The following C2orf76 variants were observed in gnomAD, a reference collection of about 807,000 sequenced individuals.
C2orf76 encodes the protein UPF0538 protein C2orf76.
C2orf76 carries 23 observed loss-of-function variants against 16.9 expected under a neutral mutation model. The ratio of observed to expected loss-of-function variants is 1.36; its 90% CI spans 0.98 to 1.93. The LOEUF (loss-of-function observed/expected upper bound fraction) is 1.93. Ranked by LOEUF, C2orf76 falls within the 30% of genes most tolerant of loss-of-function variation. The pLI, the probability that C2orf76 is intolerant of heterozygous loss-of-function variation, is 0.00. For missense variants in C2orf76, 152 were observed against 152.6 expected (o/e 1.00, Z 0.02); for synonymous variants, 48 against 52.3 (o/e 0.92, Z 0.35).
the C2orf76 span, among the ~76,000 whole-genome samples, chr2:119,286,076 A>C: frequency 6.6e-6 from 1 of 152,028 alleles, no homozygotes; most frequent in African/African-American, 2.4e-5. Context: ...AAATACAAAA[A>C]TTAGCTGGGC....
the C2orf76 span, among the ~76,000 whole-genome samples, chr2:119,292,945 G>C: frequency 6.6e-6 from 1 of 150,698 alleles, no homozygotes. Flanking sequence ...TGAGGCAGGA[G>C]AATCGCTTGA....
rs140400665 is a variant in C2orf76, at chr2:119,302,914, C to T, written c.305-366G>A. Among the ~76,000 whole-genome samples the T allele has an allele frequency of 7.8e-3, 1,190 of 151,862 alleles. 14 individuals are homozygous for T. The highest frequency in any genetic ancestry group is 0.027 in the African/African-American group (1,138 of 41,466). ...AACCTTGATTTTTTTCTCAAATATG[C>T]TACTCAGGTACTGAAGGAAGGGGAG... On this transcript the variant is annotated intron_variant, in intron 5 of 5. Coordinates refer to ENST00000334816, the MANE Select transcript of C2orf76 (RefSeq NM_001322331.2).
chr2:119,339,742 G>C (rs1208113000), intron 2 of C2orf76, 85 bp downstream of exon 2: 1 of 1,396,880 alleles, frequency 7.2e-7, no homozygotes, highest in Admixed American at 1.9e-5. Flanking sequence ...AAGTACTTTA[G>C]GATTTGTTAA....
downstream of C2orf76, among the ~76,000 whole-genome samples, chr2:119,300,492 G>T (rs1678600571): frequency 6.6e-6 from 1 of 151,836 alleles, no homozygotes; most frequent in Non-Finnish European, 1.5e-5. Flanking sequence ...GACTTGTAAG[G>T]CCTACCTCAA....
At chr2:119,304,491 T>C (rs1678715101) in intron 5 of C2orf76, among the ~76,000 whole-genome samples, 1 of 152,236 alleles carries the variant, frequency 6.6e-6, no homozygotes, top group Admixed American at 6.5e-5. Context: ...TCCAGTTAAC[T>C]GAAACATCAA....
the C2orf76 span, among the ~76,000 whole-genome samples, chr2:119,289,075 A>G: frequency 5.9e-5 from 9 of 152,208 alleles, no homozygotes; most frequent in Admixed American, 1.3e-4. Context: ...AGAGGAAGAG[A>G]GAATACAGAG....
chr2:119,364,136 G>A (rs1680845165), intron 1 of C2orf76, among the ~76,000 whole-genome samples: 1 of 151,934 alleles, frequency 6.6e-6, no homozygotes, highest in Non-Finnish European at 1.5e-5. Context: ...AGAGAGAAGA[G>A]AGAAAGAGAG....
At chr2:119,350,225 G>GA (rs1198074644) in intron 1 of C2orf76, among the ~76,000 whole-genome samples, 4 of 151,444 alleles carry the variant, frequency 2.6e-5, no homozygotes, top group Admixed American at 2.0e-4. Context: ...TTGAGATGTG[G>GA]AAAAAAAATC....
At chr2:119,366,993 T>C, upstream of C2orf76, 1 of 1,610,830 alleles carries the variant, frequency 6.2e-7, no homozygotes, top group African/African-American at 1.3e-5. Flanking sequence ...ATCTGGGCGA[T>C]CGCTTCCTGG....
At chr2:119,284,956 C>T in the C2orf76 span, among the ~76,000 whole-genome samples, 2 of 152,162 alleles carry the variant, frequency 1.3e-5, no homozygotes, top group Non-Finnish European at 2.9e-5. Context: ...GTCTGAGCTT[C>T]AGTTTTCTCA....
chr2:119,316,065 T>A (rs1679162778), intron 4 of C2orf76, among the ~76,000 whole-genome samples: 1 of 152,240 alleles, frequency 6.6e-6, no homozygotes, highest in South Asian at 2.1e-4. Context: ...TTTACAACCT[T>A]TTTGAAGAGC....
At chr2:119,306,792 C>CT (rs11432202) in intron 5 of C2orf76, among the ~76,000 whole-genome samples, 151,077 of 152,266 alleles carry the variant, frequency 0.99, 74,955 homozygotes, top group Middle Eastern at 1. Flanking sequence ...CAAGCAAAAA[C>CT]TCCACTGACG....
At chr2:119,353,820 T>G (rs1680482889) in intron 1 of C2orf76, among the ~76,000 whole-genome samples, 2 of 152,128 alleles carry the variant, frequency 1.3e-5, no homozygotes, top group South Asian at 4.2e-4. Flanking sequence ...GCCTCAACCT[T>G]CCAAAGTGCT....
the C2orf76 span, among the ~76,000 whole-genome samples, chr2:119,295,308 G>A: frequency 1.3e-5 from 2 of 152,306 alleles, no homozygotes; most frequent in South Asian, 4.1e-4. Flanking sequence ...CGGCAACAAG[G>A]TTAGGGGACG....
intron 5 of C2orf76, among the ~76,000 whole-genome samples, chr2:119,306,022 G>A (rs1282397983): frequency 6.6e-6 from 1 of 151,796 alleles, no homozygotes; most frequent in Admixed American, 6.6e-5. Context: ...GGTGTGGGAA[G>A]GTAAAACGGG....
chr2:119,313,596 AAAAAAAC>A (rs1171517975), intron 4 of C2orf76, among the ~76,000 whole-genome samples: 1 of 89,012 alleles, frequency 1.1e-5, no homozygotes, highest in Non-Finnish European at 2.9e-5. Context: ...ATTGTGTCTC[AAAAAAAC>A]AAAAAACAAA....
Position 119,359,774 on chromosome 2 carries a change from G to C in C2orf76, c.-13+7016C>G, listed in dbSNP as rs375002503. 4.2e-4 allele frequency among the ~76,000 whole-genome samples: 64 copies of C among 152,310 alleles called. 1 individual carries two copies. Among genetic ancestry groups the C allele is most frequent in the African/African-American group, 1.5e-3 (63 of 41,572 alleles). On this transcript the variant is annotated intron_variant, in intron 1 of 5. Coordinates refer to ENST00000334816, the MANE Select transcript of C2orf76 (RefSeq NM_001322331.2). The stretch of plus-strand genomic sequence containing the variant: ...GAATGAGCAAAGAAAGCAGTTTCTT[G>C]AGACAGAATCTACTCCTGGTGAAAA...
intron 1 of C2orf76, among the ~76,000 whole-genome samples, chr2:119,361,151 T>C (rs1434932857): frequency 6.6e-6 from 1 of 152,246 alleles, no homozygotes; most frequent in African/African-American, 2.4e-5. Context: ...AAGAGATCTC[T>C]CTAGGCTACA....
intron 2 of C2orf76, among the ~76,000 whole-genome samples, chr2:119,326,251 A>G (rs1328747871): frequency 6.6e-6 from 1 of 152,088 alleles, no homozygotes; most frequent in South Asian, 2.1e-4. Context: ...TTATTTTTGT[A>G]TATGGTAGGA....
Sources: allele counts gnomAD v4.1 joint callset (sites outside exome capture counted in the v4.1 genomes callset), GRCh38; gene constraint gnomAD v4.1.1; transcripts MANE v1.5; gene names NCBI Gene and HGNC (gene_info 2026-07-23, HGNC 2026-07-21).